GALNTL6: variants seen among roughly 807,000 people sequenced by gnomAD.
GALNTL6 encodes polypeptide N-acetylgalactosaminyltransferase-like 6.
Under a neutral mutation model 73.7 loss-of-function variants are expected in GALNTL6, and 46 were observed. The ratio of observed to expected loss-of-function variants is 0.62; its 90% CI spans 0.49 to 0.80. The LOEUF (loss-of-function observed/expected upper bound fraction) is 0.80, where lower values mean the gene tolerates loss of function less well. GALNTL6 is among the 30% of genes least tolerant of loss of function. The probability of loss-of-function intolerance (pLI) is 0.00; values close to 1 mark genes in which losing one functional copy is unlikely to be tolerated. For missense variants in GALNTL6, 604 were observed against 755.0 expected, an observed-to-expected ratio of 0.80 and a Z score of 2.34; for synonymous variants, 259 against 263.7, an observed-to-expected ratio of 0.98 and a Z score of 0.17.
At chr4:172,392,862 C>T (rs1261783148) in intron 5 of GALNTL6, among the ~76,000 whole-genome samples, 3 of 152,124 alleles carry the variant, frequency 2.0e-5, no homozygotes, top group African/African-American at 7.2e-5. Context: ...TCCACAACTC[C>T]CAGGCTGCGG....
chr4:172,023,037 A>T (rs1741451642), intron 2 of GALNTL6, among the ~76,000 whole-genome samples: 1 of 151,978 alleles, frequency 6.6e-6, no homozygotes, highest in Non-Finnish European at 1.5e-5. Flanking sequence ...AAATGCAAGA[A>T]TCCATCTTCT....
intron 5 of GALNTL6, among the ~76,000 whole-genome samples, chr4:172,583,373 G>A (rs967166083): frequency 6.6e-6 from 1 of 152,034 alleles, no homozygotes; most frequent in Admixed American, 6.6e-5. Context: ...AATAAACATT[G>A]AGCAGTTTTT....
intron 3 of GALNTL6, among the ~76,000 whole-genome samples, chr4:172,231,186 A>G (rs1359648671): frequency 3.3e-5 from 5 of 151,702 alleles, no homozygotes; most frequent in Admixed American, 6.6e-5. Context: ...TTTTTCCTCT[A>G]TTTGCTTGAT....
chr4:172,181,865 A>G (rs1437106442), intron 2 of GALNTL6, among the ~76,000 whole-genome samples: 2 of 151,430 alleles, frequency 1.3e-5, no homozygotes, highest in African/African-American at 4.9e-5. Flanking sequence ...ACAGGCACCC[A>G]CCACCACGCC....
intron 5 of GALNTL6, among the ~76,000 whole-genome samples, chr4:172,408,929 A>G (rs1744333213): frequency 6.6e-6 from 1 of 152,056 alleles, no homozygotes; most frequent in Admixed American, 6.6e-5. Flanking sequence ...TATGTTCATT[A>G]TTTTGAAGTT....
At chr4:172,688,114 A>T (rs1378712843) in intron 5 of GALNTL6, among the ~76,000 whole-genome samples, 3 of 152,234 alleles carry the variant, frequency 2.0e-5, no homozygotes, top group Admixed American at 2.0e-4. Flanking sequence ...ATTTGATTAA[A>T]AATTAATATG....
intron 5 of GALNTL6, among the ~76,000 whole-genome samples, chr4:172,594,655 A>G (rs1737784511): frequency 6.6e-6 from 1 of 152,138 alleles, no homozygotes; most frequent in South Asian, 2.1e-4. Context: ...GTCCTATTTT[A>G]TTTAGTATAT....
At chr4:171,822,731 G>A (rs942519880) in intron 2 of GALNTL6, among the ~76,000 whole-genome samples, 72 of 152,206 alleles carry the variant, frequency 4.7e-4, no homozygotes, top group African/African-American at 1.6e-3. Flanking sequence ...AGACCCAGAG[G>A]GAAATAAGCA....
At chr4:172,197,923 C>T (rs1412959207) in intron 2 of GALNTL6, among the ~76,000 whole-genome samples, 17 of 152,078 alleles carry the variant, frequency 1.1e-4, no homozygotes, top group Admixed American at 1.0e-3. Context: ...TCCTGGCTAA[C>T]ACGGTGAAAC....
chr4:171,841,726 A>C (rs1259702844), intron 2 of GALNTL6, among the ~76,000 whole-genome samples: 2 of 104,578 alleles, frequency 1.9e-5, no homozygotes, highest in Admixed American at 1.1e-4. Context: ...AAATGGTTAA[A>C]ATAGTATGTA....
chr4:172,870,807 G>T (rs910281402), intron 7 of GALNTL6, among the ~76,000 whole-genome samples: 1 of 152,186 alleles, frequency 6.6e-6, no homozygotes, highest in Non-Finnish European at 1.5e-5. Context: ...TTAGAGAAAT[G>T]TGACCAGGAT....
intron 2 of GALNTL6, among the ~76,000 whole-genome samples, chr4:172,024,814 C>T (rs1447741702): frequency 6.6e-6 from 1 of 151,744 alleles, no homozygotes; most frequent in East Asian, 1.9e-4. Flanking sequence ...TCATTTTCTT[C>T]CTTTCTTCCC....
chr4:171,885,002 A>T lies in GALNTL6; in HGVS notation c.138+70284A>T, dbSNP rs1428852142. On this transcript the variant is annotated intron_variant, in intron 2 of 12. Transcript: ENST00000506823. ...AACCCAGGAGGCGGAGGTTGCAGTG[A>T]GCTGAGATTGTGCTGCTGCACTCCA... Among the ~76,000 whole-genome samples the T allele has an allele frequency of 3.3e-5, 5 of 151,896 alleles. No homozygotes were observed. In the East Asian group the frequency reaches 7.7e-4, roughly 24 times the overall value.
intron 8 of GALNTL6, among the ~76,000 whole-genome samples, chr4:172,887,690 T>C (rs535875026): frequency 1.3e-3 from 204 of 151,918 alleles, no homozygotes; most frequent in Non-Finnish European, 2.2e-3. Flanking sequence ...CAGCCTCCCA[T>C]GTAGCTGGGA....
chr4:172,217,663 C>G (rs1579266874), intron 2 of GALNTL6, among the ~76,000 whole-genome samples: 1 of 152,102 alleles, frequency 6.6e-6, no homozygotes, highest in Admixed American at 6.6e-5. Context: ...TCCATCTTTT[C>G]TAGCTATGTC....
intron 2 of GALNTL6, among the ~76,000 whole-genome samples, chr4:172,118,817 A>C (rs1039967766): frequency 6.6e-6 from 1 of 151,654 alleles, no homozygotes; most frequent in African/African-American, 2.4e-5. Context: ...TAAATTTCTA[A>C]TAAGCAGTGA....
intron 5 of GALNTL6, among the ~76,000 whole-genome samples, chr4:172,583,962 T>G (rs1244486865): frequency 6.6e-6 from 1 of 151,124 alleles, no homozygotes. Flanking sequence ...CTGTATAGGA[T>G]TCAAAATCTT....
chr4:171,925,395 G>GACA (rs911705482), intron 2 of GALNTL6, among the ~76,000 whole-genome samples: 31 of 152,290 alleles, frequency 2.0e-4, no homozygotes, highest in African/African-American at 7.2e-4. Flanking sequence ...CCTGAATTAA[G>GACA]ACAAAGGAAG....
At position 172,990,483 on chromosome 4, in the gene GALNTL6, G is replaced by A. The variant is rs916254367; in HGVS notation, c.1372-18695G>A. On this transcript the variant is annotated intron_variant, in intron 10 of 12. Transcript: ENST00000506823. The stretch of plus-strand genomic sequence containing the variant: ...GTTATTTGGGTCTTCTGTTAGTTCA[G>A]TTCATGCAATTAACCTTTGTTCTTC... Among the ~76,000 whole-genome samples, 3 of 152,110 alleles carry A rather than the reference G, an allele frequency of 2.0e-5. 1 individual carries two copies. The highest frequency in any genetic ancestry group is 7.2e-5 in the African/African-American group (3 of 41,428).
Sources: allele counts gnomAD v4.1 joint callset (sites outside exome capture counted in the v4.1 genomes callset), GRCh38; gene constraint gnomAD v4.1.1; transcripts MANE v1.5; gene names NCBI Gene and HGNC (gene_info 2026-07-23, HGNC 2026-07-21).